Variants in PTPRJ observed in about 807,000 individuals in gnomAD.
PTPRJ encodes protein tyrosine phosphatase receptor type J, also known as receptor-type tyrosine-protein phosphatase eta.
In PTPRJ, 129 loss-of-function variants were observed where a neutral mutation model predicts 141.3. That is an observed-to-expected ratio of 0.91 (90% CI 0.79 to 1.06). PTPRJ has a LOEUF of 1.06. Ranked by LOEUF, PTPRJ falls within the 50% of genes least tolerant of loss-of-function variation. The probability of loss-of-function intolerance (pLI) is 0.00; values close to 1 mark genes in which losing one functional copy is unlikely to be tolerated. For synonymous variants in PTPRJ, 610 were observed against 640.5 expected (o/e 0.95, Z 0.72); for missense variants, 1,601 against 1,679.7 (o/e 0.95, Z 0.82).
At chr11:48,073,089 G>A (rs1259906253) in intron 1 of PTPRJ, among the ~76,000 whole-genome samples, 1 of 152,194 alleles carries the variant, frequency 6.6e-6, no homozygotes, top group African/African-American at 2.4e-5. Flanking sequence ...GTCTTACGAT[G>A]GGGGTGGTCT....
chr11:48,130,122 C>G (rs968124075), intron 7 of PTPRJ, among the ~76,000 whole-genome samples: 1 of 150,586 alleles, frequency 6.6e-6, no homozygotes, highest in African/African-American at 2.4e-5. Context: ...CTCTGGGAGG[C>G]TAGTAATGCA....
intron 1 of PTPRJ, among the ~76,000 whole-genome samples, chr11:48,081,956 G>A (rs189555651): frequency 2.4e-4 from 37 of 152,212 alleles, no homozygotes; most frequent in African/African-American, 8.7e-4. Context: ...TGTGTTGATG[G>A]TGGCCCACTA....
chr11:48,130,983 A>G (rs994354990), intron 8 of PTPRJ, among the ~76,000 whole-genome samples: 1 of 148,548 alleles, frequency 6.7e-6, no homozygotes, highest in Non-Finnish European at 1.5e-5. Context: ...ATACACAAAT[A>G]TATGTGTGAG....
At chr11:48,166,291 A>G (rs916635664) in intron 24 of PTPRJ, among the ~76,000 whole-genome samples, 2 of 151,524 alleles carry the variant, frequency 1.3e-5, no homozygotes, top group Admixed American at 6.6e-5. Context: ...ACACACACGC[A>G]CACACAGTAC....
rs2134313803 is a variant in PTPRJ, at chr11:48,101,775, A to G, written c.97-8283A>G. Among the ~76,000 whole-genome samples, 2 of 152,248 alleles carry G rather than the reference A, an allele frequency of 1.3e-5. 1 individual carries two copies. The highest frequency in any genetic ancestry group is 2.9e-5 in the Non-Finnish European group (2 of 68,016). On this transcript the variant is annotated intron_variant, in intron 1 of 24. Transcript: ENST00000418331. ...AAGGTGGACGAGCGGCGCAGGAGAG[A>G]ACTGGTAGGATTAATGGAGTGGTTT...
chr11:47,989,805 G>A (rs1041986263), intron 1 of PTPRJ, among the ~76,000 whole-genome samples: 1 of 152,072 alleles, frequency 6.6e-6, no homozygotes, highest in Admixed American at 6.6e-5. Context: ...ACCCTAGGGT[G>A]GTGAAGAGAG....
chr11:48,007,407 C>T (rs1854653282), intron 1 of PTPRJ, among the ~76,000 whole-genome samples: 1 of 151,740 alleles, frequency 6.6e-6, no homozygotes, highest in Non-Finnish European at 1.5e-5. Flanking sequence ...CCACACGGGG[C>T]CAGGCCTTTT....
chr11:48,154,411 T>G (rs1368493596), intron 19 of PTPRJ, among the ~76,000 whole-genome samples: 1 of 152,250 alleles, frequency 6.6e-6, no homozygotes, highest in Non-Finnish European at 1.5e-5. Flanking sequence ...TTTTGAGAAT[T>G]AACAATGTCT....
At chr11:47,989,456 T>C (rs1469168753) in intron 1 of PTPRJ, among the ~76,000 whole-genome samples, 1 of 151,718 alleles carries the variant, frequency 6.6e-6, no homozygotes, top group Non-Finnish European at 1.5e-5. Flanking sequence ...TTAGTAGAGA[T>C]GGGACTTGTT....
intron 1 of PTPRJ, among the ~76,000 whole-genome samples, chr11:48,054,803 T>G (rs1854710100): frequency 6.6e-6 from 1 of 151,524 alleles, no homozygotes; most frequent in South Asian, 2.1e-4. Context: ...TTTCCTCATT[T>G]TTTTCCTTTC....
At chr11:48,077,876 A>C (rs1480245517) in intron 1 of PTPRJ, among the ~76,000 whole-genome samples, 1 of 152,118 alleles carries the variant, frequency 6.6e-6, no homozygotes, top group East Asian at 1.9e-4. Context: ...ATTTTATTCT[A>C]CTGGAATGAT....
chr11:48,106,763 CTTTT>C (rs35643138), intron 1 of PTPRJ, among the ~76,000 whole-genome samples: 11 of 86,428 alleles, frequency 1.3e-4, no homozygotes, highest in African/African-American at 2.6e-4. Flanking sequence ...TTCTTTCTTT[CTTTT>C]TTTTTTTTTT....
chr11:48,003,780 G>A (rs975897267), intron 1 of PTPRJ, among the ~76,000 whole-genome samples: 1 of 152,186 alleles, frequency 6.6e-6, no homozygotes, highest in Non-Finnish European at 1.5e-5. Context: ...ACAGGCGTGA[G>A]CCACCGTGCC....
At chr11:48,106,474 G>A (rs1856290363) in intron 1 of PTPRJ, among the ~76,000 whole-genome samples, 1 of 152,194 alleles carries the variant, frequency 6.6e-6, no homozygotes, top group Non-Finnish European at 1.5e-5. Flanking sequence ...GGAAGTCAAG[G>A]TGTGCTGGGC....
At chr11:48,105,528 A>C (rs1856266507) in intron 1 of PTPRJ, among the ~76,000 whole-genome samples, 2 of 152,198 alleles carry the variant, frequency 1.3e-5, no homozygotes, top group Admixed American at 1.3e-4. Flanking sequence ...GTGTTGTTCG[A>C]GTCTCAGGAC....
At chr11:48,118,380 C>T (rs1856620955) in intron 3 of PTPRJ, among the ~76,000 whole-genome samples, 1 of 152,214 alleles carries the variant, frequency 6.6e-6, no homozygotes, top group Non-Finnish European at 1.5e-5. Flanking sequence ...GCCACCCAGT[C>T]CTCTGCCAAA....
chr11:48,164,325 G>C (rs1412624338), intron 23 of PTPRJ, 55 bp from the exon 24 acceptor site: 1 of 1,595,540 alleles, frequency 6.3e-7, no homozygotes, highest in East Asian at 2.2e-5. Context: ...GGAACTCTAA[G>C]AGGGTTGCAG....
chr11:48,152,412 A>G (rs868412661), intron 18 of PTPRJ, among the ~76,000 whole-genome samples: 1,978 of 151,942 alleles, frequency 0.013, 47 homozygotes, highest in African/African-American at 0.045. Flanking sequence ...GTTCACTCTG[A>G]TGGTAGTTTC....
intron 3 of PTPRJ, among the ~76,000 whole-genome samples, chr11:48,120,467 C>T (rs1856677146): frequency 6.6e-6 from 1 of 152,048 alleles, no homozygotes; most frequent in African/African-American, 2.4e-5. Flanking sequence ...GTCTTGTCGC[C>T]CAGGCTGGAG....
Sources: allele counts gnomAD v4.1 joint callset (sites outside exome capture counted in the v4.1 genomes callset), GRCh38; gene constraint gnomAD v4.1.1; transcripts MANE v1.5; gene names NCBI Gene and HGNC (gene_info 2026-07-23, HGNC 2026-07-21).